SRD5A2: variants seen among roughly 807,000 people sequenced by gnomAD.
SRD5A2 encodes steroid 5 alpha-reductase 2, also known as 3-oxo-5-alpha-steroid 4-dehydrogenase 2.
A neutral mutation model predicts 27.4 loss-of-function variants in SRD5A2; 30 were observed. The observed-to-expected ratio is 1.10, with a 90% CI of 0.82 to 1.49. SRD5A2 has a LOEUF of 1.49. Ranked by LOEUF, SRD5A2 falls within the 40% of genes most tolerant of loss-of-function variation. The pLI is 0.00. For missense variants in SRD5A2, 348 were observed against 323.4 expected (o/e 1.08, Z -0.58); for synonymous variants, 141 against 133.6 (o/e 1.06, Z -0.38).
chr2:31,607,833 C>G, the SRD5A2 span, among the ~76,000 whole-genome samples: 2 of 152,008 alleles, frequency 1.3e-5, no homozygotes, highest in Non-Finnish European at 2.9e-5. Flanking sequence ...TCTCACCCCA[C>G]CCCAGTGTGA....
At chr2:31,638,009 T>C in the SRD5A2 span, among the ~76,000 whole-genome samples, 26 of 152,242 alleles carry the variant, frequency 1.7e-4, no homozygotes, top group East Asian at 2.9e-3. Context: ...TTCACTGAGA[T>C]GCATCATTAG....
chr2:31,601,030 G>A, the SRD5A2 span, among the ~76,000 whole-genome samples: 180 of 151,624 alleles, frequency 1.2e-3, no homozygotes, highest in African/African-American at 4.0e-3. Flanking sequence ...GAACCAAGAG[G>A]AAGCAAACCC....
chr2:31,543,358 A>C (rs1666177211), intron 1 of SRD5A2, among the ~76,000 whole-genome samples: 1 of 152,168 alleles, frequency 6.6e-6, no homozygotes, highest in South Asian at 2.1e-4. Flanking sequence ...TATATAAAGA[A>C]ATAAAAATAT....
At chr2:31,644,593 G>A in the SRD5A2 span, among the ~76,000 whole-genome samples, 5 of 152,152 alleles carry the variant, frequency 3.3e-5, no homozygotes, top group African/African-American at 4.8e-5. Context: ...GAGCTCAGGC[G>A]GTGATGCTCT....
intron 4 of SRD5A2, 50 bp downstream of exon 4, chr2:31,529,257 G>A (rs1465006951): frequency 1.9e-6 from 3 of 1,607,446 alleles, no homozygotes; most frequent in Non-Finnish European, 2.5e-6. Flanking sequence ...AAGCCTGTTT[G>A]GAGAAGAAGA....
At chr2:31,545,149 A>G (rs954884679) in intron 1 of SRD5A2, among the ~76,000 whole-genome samples, 4 of 152,060 alleles carry the variant, frequency 2.6e-5, no homozygotes, top group Non-Finnish European at 5.9e-5. Context: ...TCTACCATTT[A>G]AAGAACTAAC....
chr2:31,604,909 C>T, the SRD5A2 span, among the ~76,000 whole-genome samples: 1 of 151,760 alleles, frequency 6.6e-6, no homozygotes, highest in Non-Finnish European at 1.5e-5. Flanking sequence ...AATTATACTA[C>T]AGAGGTATAG....
At chr2:31,658,933 A>G in the SRD5A2 span, among the ~76,000 whole-genome samples, 1 of 152,130 alleles carries the variant, frequency 6.6e-6, no homozygotes, top group East Asian at 1.9e-4. Context: ...CTTCAGGCCA[A>G]TATCCCAACA....
the SRD5A2 span, among the ~76,000 whole-genome samples, chr2:31,638,259 G>T: frequency 6.6e-6 from 1 of 151,596 alleles, no homozygotes; most frequent in East Asian, 1.9e-4. Context: ...CTTGTTTTTT[G>T]ATTTCTAGTT....
rs553127640 is a variant in SRD5A2 at position 31,558,117 on chromosome 2, T to C, written c.281+22503A>G. 4.6e-5 allele frequency among the ~76,000 whole-genome samples: 7 copies of C among 152,328 alleles called. No individual in the cohort carries two copies. The East Asian group carries it at 1.4e-3, about 29-fold the overall frequency. ...AAACATAAAAATCGGGGGGAGTTTC[T>C]ATACTTGAAGAGAATCTGAACCCCT... is the stretch of plus-strand genomic sequence containing the variant. On this transcript the variant is annotated intron_variant, in intron 1 of 4. Coordinates refer to ENST00000622030, the MANE Select transcript of SRD5A2 (RefSeq NM_000348.4).
chr2:31,655,209 C>T, the SRD5A2 span, among the ~76,000 whole-genome samples: 1 of 152,266 alleles, frequency 6.6e-6, no homozygotes, highest in South Asian at 2.1e-4. Context: ...TCAAGTGATT[C>T]TCCTGCCTCA....
the SRD5A2 span, among the ~76,000 whole-genome samples, chr2:31,638,400 C>A: frequency 6.7e-4 from 102 of 152,146 alleles, 1 homozygote; most frequent in African/African-American, 2.4e-3. Flanking sequence ...AATGTGTATT[C>A]TACAGCAGTT....
intron 1 of SRD5A2, among the ~76,000 whole-genome samples, chr2:31,535,695 C>T (rs1001884975): frequency 6.6e-6 from 1 of 152,166 alleles, no homozygotes; most frequent in Non-Finnish European, 1.5e-5. Flanking sequence ...CACAACAGTG[C>T]CTACAATTCA....
the SRD5A2 span, among the ~76,000 whole-genome samples, chr2:31,650,809 G>A: frequency 6.6e-6 from 1 of 152,196 alleles, no homozygotes; most frequent in Non-Finnish European, 1.5e-5. Flanking sequence ...GGATTGGAGA[G>A]AAGAGGGAAA....
At chr2:31,620,557 G>A in the SRD5A2 span, among the ~76,000 whole-genome samples, 2 of 151,806 alleles carry the variant, frequency 1.3e-5, no homozygotes, top group Non-Finnish European at 2.9e-5. Context: ...GCTTTATTGC[G>A]ATATTTGCTT....
the SRD5A2 span, among the ~76,000 whole-genome samples, chr2:31,657,628 C>T: frequency 6.6e-6 from 1 of 152,002 alleles, no homozygotes; most frequent in East Asian, 1.9e-4. Context: ...AAAAACTAAT[C>T]ATATTATGAC....
intron 4 of SRD5A2, among the ~76,000 whole-genome samples, chr2:31,528,721 G>A (rs553318143): frequency 6.6e-5 from 10 of 152,208 alleles, no homozygotes; most frequent in Non-Finnish European, 1.2e-4. Context: ...AGGCAAGATC[G>A]CCCCATTGCA....
the SRD5A2 span, among the ~76,000 whole-genome samples, chr2:31,601,045 G>A: frequency 6.6e-6 from 1 of 151,854 alleles, no homozygotes; most frequent in South Asian, 2.1e-4. Flanking sequence ...AAACCCCAAA[G>A]CTAGCAGAAG....
chr2:31,580,929 G>C lies in SRD5A2; in HGVS notation c.-29C>G. 1 of 1,583,504 alleles carries C rather than the reference G, an allele frequency of 6.3e-7. No homozygotes were observed. On this transcript the variant is annotated 5_prime_UTR_variant, in exon 1 of 5. Transcript: ENST00000622030. Reference sequence around the variant, plus strand: ...GCCGTGTTCCTCGCCGGTGGCCGCTGCCCTCCCAGAAGAGAGCGCGGCCCC... The same window carrying C: ...GCCGTGTTCCTCGCCGGTGGCCGCTCCCCTCCCAGAAGAGAGCGCGGCCCC...
Sources: gnomAD v4.1 joint callset for allele counts (sites outside exome capture counted in the v4.1 genomes callset) on GRCh38, gnomAD v4.1.1 for gene constraint, MANE v1.5 for transcripts, NCBI Gene and HGNC (gene_info 2026-07-23, HGNC 2026-07-21) for gene names.